CMTM1: variants seen among roughly 807,000 people sequenced by gnomAD.
CMTM1 encodes the protein CKLF like MARVEL transmembrane domain containing 1, also known as CKLF-like MARVEL transmembrane domain-containing protein 1.
A neutral mutation model predicts 17.8 loss-of-function variants in CMTM1; 16 were observed. The observed-to-expected ratio is 0.90, with a 90% CI of 0.61 to 1.37. The LOEUF is 1.37. CMTM1 is among the 40% of genes most tolerant of loss of function. The pLI, the probability that CMTM1 is intolerant of heterozygous loss-of-function variation, is 0.00. For synonymous variants in CMTM1, 169 were observed against 154.6 expected (o/e 1.09, Z -0.69); for missense variants, 354 against 375.6 (o/e 0.94, Z 0.47).
rs1041918695 is a variant in CMTM1, at chr16:66,577,177, G to C, written c.665G>C (p.Arg222Thr). The C allele has an allele frequency of 1.2e-6, 2 of 1,613,914 alleles. No homozygotes were observed. Among genetic ancestry groups the C allele is most frequent in the East Asian group, 4.5e-5 (2 of 44,868 alleles). ...VAILAMQEKKRRHLLYVGGSL... is the reference protein window; with the variant it reads ...VAILAMQEKKTRHLLYVGGSL... ...ATCTTGGCCATGCAAGAAAAGAAAA[G>C]AAGGCATTTACTCTATGTCGGGGGG... The change falls in exon 3 of 4, where the codon AGA (arginine) becomes ACA (threonine). Residue 222 changes from arginine to threonine, a missense_variant. Transcript: ENST00000379500.
At position 66,566,923 on chromosome 16, in the gene CMTM1, G is replaced by A. The variant is rs770414362; in HGVS notation, c.410G>A (p.Gly137Glu). The A allele has an allele frequency of 1.2e-6, 2 of 1,614,158 alleles. No individual in the cohort carries two copies. The highest frequency in any genetic ancestry group is 8.5e-7 in the Non-Finnish European group (1 of 1,180,028). ...SLKRFSFSPTGMLKILRLSLI... is the reference protein window; with the variant it reads ...SLKRFSFSPTEMLKILRLSLI... ...AAACGTTTCTCCTTCTCGCCCACTG[G>A]AATGTTGAAGATCCTGAGACTGGTG... The change falls in exon 1 of 4, where the codon GGA becomes GAA. Residue 137 changes from glycine (G) to glutamate (E), a missense_variant. Coordinates refer to ENST00000379500, the MANE Select transcript of CMTM1 (RefSeq NM_052999.4). The surrounding 1 kb of genome is among the most constrained non-coding windows in gnomAD (Gnocchi z 4.9).
rs757041782 is a variant in CMTM1 at position 66,578,896 on chromosome 16, G to A, written c.756G>A (p.Arg252=). The change falls in exon 4 of 4, where the codon AGG becomes AGA. Residue 252 remains arginine, a synonymous_variant. Transcript: ENST00000379500. ...IDAFVVTTKM[R]TNLKRFLGVE... ...CGTTTGTGGTCACCACGAAGATGAG[G>A]ACCAACTTGAAAAGATTCCTGGGAG... is the stretch of plus-strand genomic sequence containing the variant. 1 of 1,614,202 alleles carries A rather than the reference G, an allele frequency of 6.2e-7. No individual in the cohort carries two copies. Among genetic ancestry groups the A allele is most frequent in the Non-Finnish European group, 8.5e-7 (1 of 1,180,044 alleles).
intron 2 of CMTM1, among the ~76,000 whole-genome samples, chr16:66,570,727 C>T (rs1256063597): frequency 1.3e-5 from 2 of 152,146 alleles, no homozygotes; most frequent in East Asian, 1.9e-4. Flanking sequence ...AGCCATAGGC[C>T]CAGATTCTGG....
At chr16:66,576,010 C>T (rs985514714) in intron 2 of CMTM1, among the ~76,000 whole-genome samples, 5 of 152,202 alleles carry the variant, frequency 3.3e-5, no homozygotes, top group African/African-American at 1.2e-4. Context: ...GCTAAGGAAA[C>T]CCAGCCACTG....
intron 2 of CMTM1, chr16:66,575,287 G>A: frequency 1.2e-6 from 1 of 822,744 alleles, no homozygotes. Context: ...TGCCAGGCAT[G>A]TTATCAGATG....
At chr16:66,573,683 CTTTTT>C (rs954623005) in intron 2 of CMTM1, among the ~76,000 whole-genome samples, 2 of 117,650 alleles carry the variant, frequency 1.7e-5, no homozygotes, top group African/African-American at 3.2e-5. Context: ...TAACGTTTTT[CTTTTT>C]TTTTTTTTTT....
intron 2 of CMTM1, among the ~76,000 whole-genome samples, chr16:66,576,611 G>A (rs1190376788): frequency 6.6e-6 from 1 of 152,182 alleles, no homozygotes; most frequent in Admixed American, 6.5e-5. Context: ...AATTTCCAGA[G>A]CGTTGGCTTT....
intron 2 of CMTM1, among the ~76,000 whole-genome samples, chr16:66,574,764 C>G (rs2144661460): frequency 6.6e-6 from 1 of 152,302 alleles, no homozygotes; most frequent in African/African-American, 2.4e-5. Context: ...TTCTTGTAAT[C>G]TAAGACCACA....
At position 66,569,997 on chromosome 16, in the gene CMTM1, C is replaced by A. The variant is rs1318500754; in HGVS notation, c.494C>A (p.Thr165Lys). 1 of 1,612,446 alleles carries A rather than the reference C, an allele frequency of 6.2e-7. No individual in the cohort carries two copies. The highest frequency in any genetic ancestry group is 8.5e-7 in the Non-Finnish European group (1 of 1,178,978). Residue 165 changes from threonine to lysine, a missense_variant, in exon 2 of 4, where the codon ACA (threonine) becomes AAA (lysine). Thr to Lys is a moderately conservative substitution (Grantham distance 78). Transcript: ENST00000379500. ...IITQANESFI[T>K]ITSLEICIVV... ...ACCCAAGCCAATGAGTCATTTATAA[C>A]AATCACAAGTCTGGAAATCTGCATT... is the stretch of plus-strand genomic sequence containing the variant.
intron 3 of CMTM1, among the ~76,000 whole-genome samples, chr16:66,577,558 AG>A (rs2014394143): frequency 6.6e-6 from 1 of 152,178 alleles, no homozygotes; most frequent in South Asian, 2.1e-4. Flanking sequence ...AGAGATTGTA[AG>A]GGGGGAAAAG....
intron 2 of CMTM1, chr16:66,574,915 C>A: frequency 1.5e-5 from 15 of 977,296 alleles, no homozygotes; most frequent in Non-Finnish European, 1.8e-5. Flanking sequence ...ACATCTTTGA[C>A]TACCTTGGTT....
intron 2 of CMTM1, among the ~76,000 whole-genome samples, chr16:66,571,565 A>G (rs1397054800): frequency 6.6e-6 from 1 of 152,244 alleles, no homozygotes; most frequent in Non-Finnish European, 1.5e-5. Context: ...CCATTAAGGT[A>G]AGAAACTCAG....
intron 1 of CMTM1, 146 bp downstream of exon 1, chr16:66,567,091 C>T (rs775369823): frequency 2.0e-4 from 158 of 774,342 alleles, no homozygotes; most frequent in Non-Finnish European, 3.4e-4. Flanking sequence ...CTCCCCACCA[C>T]CCCCTGCTCC....
chr16:66,578,811 T>C lies in CMTM1; in HGVS notation c.691-20T>C. ...AATAACCCCGTCTTTCCTTCCCGCA[T>C]ATGGTCTTGTATCTGACAGTCCCTG... On this transcript the variant is annotated intron_variant, in intron 3 of 3. Coordinates refer to ENST00000379500, the MANE Select transcript of CMTM1 (RefSeq NM_052999.4). 1 of 1,609,952 alleles carries C rather than the reference T, an allele frequency of 6.2e-7. No homozygotes were observed. Among genetic ancestry groups the C allele is most frequent in the Non-Finnish European group, 8.5e-7 (1 of 1,176,502 alleles).
At chr16:66,575,324 C>A in intron 2 of CMTM1, 2 of 609,204 alleles carry the variant, frequency 3.3e-6, no homozygotes, top group Non-Finnish European at 4.1e-6. Flanking sequence ...GCCATTTAAT[C>A]CTCAGAGCCA....
At chr16:66,573,912 C>CCTGACCTCAGGTGATCCA (rs1371367587) in intron 2 of CMTM1, among the ~76,000 whole-genome samples, 13 of 151,764 alleles carry the variant, frequency 8.6e-5, no homozygotes, top group Admixed American at 8.5e-4. Context: ...GTCTCGAACT[C>CCTGACCTCAGGTGATCCA]CTGACCTCAG....
intron 3 of CMTM1, among the ~76,000 whole-genome samples, chr16:66,578,433 C>T (rs184677196): frequency 8.5e-4 from 129 of 152,274 alleles, no homozygotes; most frequent in Non-Finnish European, 1.3e-3. Context: ...AGACCCTAGT[C>T]CAGTGCCTGG....
chr16:66,579,131 G>T lies in CMTM1; in HGVS notation c.*130G>T, dbSNP rs552852679. 2.0e-5 allele frequency: 25 copies of T among 1,223,056 alleles called. No homozygotes were observed. Among genetic ancestry groups the T allele is most frequent in the Non-Finnish European group, 3.3e-6 (3 of 903,882 alleles). The allele number at this position is 1,223,056 out of a possible 1,614,324, so 75.8% of individuals were successfully genotyped here. A position where few individuals can be genotyped will look rare whatever the true frequency, so the allele number is the denominator to read the frequency against. ...TAAAATTAGGGCTGCTGCTTTTATCGAGAACACCTGCTTCCTCTCGTTGCC... is the reference window on the plus strand; with the variant it reads ...TAAAATTAGGGCTGCTGCTTTTATCTAGAACACCTGCTTCCTCTCGTTGCC... On this transcript the variant is annotated 3_prime_UTR_variant, in exon 4 of 4. Transcript: ENST00000379500. The surrounding 1 kb of genome is among the most constrained non-coding windows in gnomAD (Gnocchi z 6.5).
intron 2 of CMTM1, among the ~76,000 whole-genome samples, chr16:66,576,807 T>C (rs1248483033): frequency 6.6e-6 from 1 of 152,246 alleles, no homozygotes; most frequent in Non-Finnish European, 1.5e-5. Context: ...CACCAGGTTT[T>C]TTCATGCTCA....
Sources: allele counts gnomAD v4.1 joint callset (sites outside exome capture counted in the v4.1 genomes callset), GRCh38; gene constraint gnomAD v4.1.1; non-coding constraint Gnocchi (gnomAD v3.1); transcripts MANE v1.5; gene names NCBI Gene and HGNC (gene_info 2026-07-23, HGNC 2026-07-21).